The following BLNK variants were observed in gnomAD, a reference collection of about 807,000 sequenced individuals.
BLNK encodes the protein B cell linker.
BLNK carries 29 observed loss-of-function variants against 73.5 expected under a neutral mutation model. The observed-to-expected ratio is 0.39, with a 90% confidence interval of 0.29 to 0.54. BLNK has a LOEUF of 0.54. Among genes scored for constraint, BLNK ranks in the 20% least tolerant of loss-of-function variants. The probability of loss-of-function intolerance (pLI) is 0.61; values close to 1 mark genes in which losing one functional copy is unlikely to be tolerated. For missense variants in BLNK, 460 were observed against 562.8 expected (o/e 0.82, Z 1.85); for synonymous variants, 176 against 200.8 (o/e 0.88, Z 1.04).
intron 7 of BLNK, chr10:96,216,347 G>T (rs1171442202): frequency 1.5e-5 from 6 of 407,156 alleles, no homozygotes; most frequent in African/African-American, 1.2e-4. Context: ...ATTGTATTAG[G>T]TTTTATGAGA....
intron 6 of BLNK, among the ~76,000 whole-genome samples, chr10:96,218,292 C>T (rs1210208174): frequency 6.6e-6 from 1 of 152,044 alleles, no homozygotes; most frequent in African/African-American, 2.4e-5. Context: ...CTCATTTAAT[C>T]CTCTAACAAC....
At chr10:96,209,039 G>T (rs1554898055) in intron 9 of BLNK, among the ~76,000 whole-genome samples, 1 of 152,042 alleles carries the variant, frequency 6.6e-6, no homozygotes, top group Non-Finnish European at 1.5e-5. Context: ...AATTTTACGG[G>T]GTGACGTTTG....
chr10:96,191,591 G>C lies in BLNK; in HGVS notation c.*382C>G, dbSNP rs782596432. ...TTAATTGTCAAGCATTGGCAGTGGA[G>C]AGCCCAGCTACATTAGTGTACCAAT... is the stretch of plus-strand genomic sequence containing the variant. On this transcript the variant is annotated 3_prime_UTR_variant, in exon 17 of 17. Transcript: ENST00000224337. 1.2e-5 allele frequency: 2 copies of C among 173,614 alleles called. No homozygotes were observed. The highest frequency in any genetic ancestry group is 4.8e-5 in the African/African-American group (2 of 41,682). 10.8% of individuals were successfully genotyped at this position (173,614 alleles called of 1,614,324 possible). A position where few individuals can be genotyped will look rare whatever the true frequency, so the allele number is the denominator to read the frequency against.
intron 1 of BLNK, among the ~76,000 whole-genome samples, chr10:96,265,960 T>C (rs2134150817): frequency 6.6e-6 from 1 of 152,328 alleles, no homozygotes; most frequent in South Asian, 2.1e-4. Flanking sequence ...TTGCCCCTGA[T>C]GGAGAACCAT....
chr10:96,198,840 A>T (rs1043723459), intron 15 of BLNK, among the ~76,000 whole-genome samples: 2 of 152,172 alleles, frequency 1.3e-5, no homozygotes, highest in Non-Finnish European at 2.9e-5. Context: ...CTGGGATTAT[A>T]GGCGCCCGCC....
rs587643048 is a variant in BLNK at position 96,191,481 on chromosome 10, A to G, written c.*492T>C. Among the ~76,000 whole-genome samples the G allele has an allele frequency of 6.6e-6, 1 of 152,142 alleles. No homozygotes were observed. The highest frequency in any genetic ancestry group is 1.9e-4 in the East Asian group (1 of 5,184). On this transcript the variant is annotated 3_prime_UTR_variant, in exon 17 of 17. Coordinates refer to ENST00000224337, the MANE Select transcript of BLNK (RefSeq NM_013314.4). Reference sequence around the variant, plus strand: ...TTGAGAGTGCTCACAAAAAGGAACCATTACATCCTTCTTGCCTATACTTAC... The same window carrying G: ...TTGAGAGTGCTCACAAAAAGGAACCGTTACATCCTTCTTGCCTATACTTAC...
intron 1 of BLNK, among the ~76,000 whole-genome samples, chr10:96,263,982 G>A (rs1163661404): frequency 6.6e-6 from 1 of 152,174 alleles, no homozygotes; most frequent in Non-Finnish European, 1.5e-5. Context: ...TCTGGAGCAG[G>A]GACTTGGGTA....
intron 4 of BLNK, among the ~76,000 whole-genome samples, chr10:96,230,381 CTT>C (rs1220868287): frequency 5.3e-5 from 8 of 152,154 alleles, no homozygotes; most frequent in Non-Finnish European, 1.2e-4. Flanking sequence ...GTGCCAGACA[CTT>C]ATTCTTTAGT....
At chr10:96,210,964 G>A (rs2083934780) in intron 8 of BLNK, among the ~76,000 whole-genome samples, 1 of 149,598 alleles carries the variant, frequency 6.7e-6, no homozygotes, top group Admixed American at 6.7e-5. Flanking sequence ...CAAACTCCTG[G>A]ACTCAAGTGA....
intron 13 of BLNK, among the ~76,000 whole-genome samples, chr10:96,201,980 G>A (rs2083654381): frequency 6.6e-6 from 1 of 152,168 alleles, no homozygotes; most frequent in African/African-American, 2.4e-5. Context: ...GAGATCTGCA[G>A]GTGGAGAGGG....
intron 15 of BLNK, chr10:96,199,567 T>C (rs781882451): frequency 3.9e-5 from 18 of 457,154 alleles, no homozygotes; most frequent in Non-Finnish European, 7.5e-5. Flanking sequence ...AGAAATGAGA[T>C]GGAGGAACTT....
chr10:96,203,280 T>C (rs1300591492), intron 13 of BLNK, among the ~76,000 whole-genome samples: 1 of 152,200 alleles, frequency 6.6e-6, no homozygotes, highest in Non-Finnish European at 1.5e-5. Context: ...TCACTTTGTG[T>C]TGTCAGAATT....
At chr10:96,260,214 GAC>G (rs1564852470) in intron 1 of BLNK, among the ~76,000 whole-genome samples, 1 of 152,156 alleles carries the variant, frequency 6.6e-6, no homozygotes, top group African/African-American at 2.4e-5. Flanking sequence ...GTTCATAGAT[GAC>G]ACAGACTCTT....
intron 16 of BLNK, among the ~76,000 whole-genome samples, chr10:96,196,021 C>CA (rs2068088961): frequency 6.6e-6 from 1 of 152,230 alleles, no homozygotes; most frequent in Non-Finnish European, 1.5e-5. Context: ...GTGGGGAAGA[C>CA]AGACACTTCA....
At chr10:96,247,396 A>G (rs994865522) in intron 1 of BLNK, among the ~76,000 whole-genome samples, 1 of 152,230 alleles carries the variant, frequency 6.6e-6, no homozygotes, top group South Asian at 2.1e-4. Context: ...AGAGGCTTCA[A>G]TCAGGCCCAA....
At chr10:96,197,763 A>G (rs2083508282) in intron 15 of BLNK, among the ~76,000 whole-genome samples, 1 of 152,010 alleles carries the variant, frequency 6.6e-6, no homozygotes, top group Non-Finnish European at 1.5e-5. Context: ...AAGAAAAAAA[A>G]TCCCTAGCCG....
chr10:96,231,866 G>A (rs1842512318), intron 3 of BLNK, among the ~76,000 whole-genome samples: 1 of 152,230 alleles, frequency 6.6e-6, no homozygotes, highest in African/African-American at 2.4e-5. Flanking sequence ...CCTTCCACGG[G>A]CATGCGCTGA....
intron 1 of BLNK, among the ~76,000 whole-genome samples, chr10:96,265,017 A>G (rs757703778): frequency 6.6e-6 from 1 of 152,068 alleles, no homozygotes; most frequent in Non-Finnish European, 1.5e-5. Context: ...GCTGGAGTGC[A>G]GTGGCATGAT....
intron 1 of BLNK, 93 bp from the exon 2 acceptor site, chr10:96,247,142 A>G: frequency 3.5e-6 from 3 of 857,472 alleles, no homozygotes; most frequent in Non-Finnish European, 3.7e-6. Flanking sequence ...AAAAGGGGAA[A>G]AAACTCTACC....
Sources: gnomAD v4.1 joint callset for allele counts (sites outside exome capture counted in the v4.1 genomes callset) on GRCh38, gnomAD v4.1.1 for gene constraint, MANE v1.5 for transcripts, NCBI Gene and HGNC (gene_info 2026-07-23, HGNC 2026-07-21) for gene names.